The following EMP2 variants were observed in gnomAD, a reference collection of about 807,000 sequenced individuals.
The protein encoded by EMP2 is epithelial membrane protein 2.
Under a neutral mutation model 13.7 loss-of-function variants are expected in EMP2, and 19 were observed. The ratio of observed to expected loss-of-function variants is 1.38; its 90% CI spans 0.97 to 2.03. The LOEUF (loss-of-function observed/expected upper bound fraction) is 2.03, where lower values mean the gene tolerates loss of function less well. Among genes scored for constraint, EMP2 ranks in the 30% most tolerant of loss-of-function variants. The pLI is 0.00. For missense variants in EMP2, 253 were observed against 220.7 expected, an observed-to-expected ratio of 1.15 and a Z score of -0.93; for synonymous variants, 97 against 84.7, an observed-to-expected ratio of 1.15 and a Z score of -0.80.
chr16:10,538,064 C>G lies in EMP2; in HGVS notation c.180G>C (p.Thr60=). ...VINDSFQEYS[T]LQAVQATMIL... is the part of the protein sequence containing the mutation. Reference sequence around the variant, plus strand: ...TCATGGTGGCCTGGACCGCCTGCAGCGTGGAGTACTCTGCGGGAAAAGGGC... The same window carrying G: ...TCATGGTGGCCTGGACCGCCTGCAGGGTGGAGTACTCTGCGGGAAAAGGGC... The change falls in exon 4 of 5, where the codon ACG becomes ACC. Residue 60 remains threonine (T), a synonymous_variant. Coordinates refer to ENST00000359543, the MANE Select transcript of EMP2 (RefSeq NM_001424.6). 6.2e-7 allele frequency: 1 copy of G among 1,613,714 alleles called. No homozygotes were observed. The highest frequency in any genetic ancestry group is 1.3e-5 in the African/African-American group (1 of 75,012).
intron 1 of EMP2, among the ~76,000 whole-genome samples, chr16:10,570,617 C>T (rs1049986415): frequency 6.6e-6 from 1 of 152,102 alleles, no homozygotes; most frequent in African/African-American, 2.4e-5. Context: ...AGGCTGGTCT[C>T]GAACTCCTAA....
intron 1 of EMP2, among the ~76,000 whole-genome samples, chr16:10,557,626 G>A (rs1358008409): frequency 6.6e-6 from 1 of 152,156 alleles, no homozygotes; most frequent in African/African-American, 2.4e-5. Flanking sequence ...CAGAAACTCA[G>A]TGAGGTGGAT....
chr16:10,567,534 G>A (rs1259757720), intron 1 of EMP2, among the ~76,000 whole-genome samples: 2 of 152,208 alleles, frequency 1.3e-5, no homozygotes, highest in African/African-American at 4.8e-5. Flanking sequence ...ACACCAAGGT[G>A]GGTGAGCCAG....
chr16:10,534,088 C>A (rs1434979133), intron 4 of EMP2, among the ~76,000 whole-genome samples: 1 of 151,636 alleles, frequency 6.6e-6, no homozygotes. Context: ...GCACTCCAGC[C>A]CGCACAACAG....
intron 1 of EMP2, among the ~76,000 whole-genome samples, chr16:10,566,184 C>G (rs2050905819): frequency 6.6e-6 from 1 of 152,248 alleles, no homozygotes; most frequent in Non-Finnish European, 1.5e-5. Flanking sequence ...TGTCTACCAC[C>G]TTCTCGAGTA....
Position 10,538,090 on chromosome 16 carries a change from AG to A in EMP2, c.170-17del. ...GTGGAGTACTCTGCGGGAAAAGGGC[AG>A]GGGCGCAGGACTGAGGACCTTGGCC... On this transcript the variant is annotated splice_polypyrimidine_tract_variant and intron_variant, in intron 3 of 4. Coordinates refer to ENST00000359543, the MANE Select transcript of EMP2 (RefSeq NM_001424.6). 5.0e-6 allele frequency: 8 copies of A among 1,612,370 alleles called. No homozygotes were observed. Among genetic ancestry groups the A allele is most frequent in the Non-Finnish European group, 6.8e-6 (8 of 1,179,560 alleles).
At chr16:10,541,410 T>C (rs2050697939) in intron 3 of EMP2, among the ~76,000 whole-genome samples, 1 of 152,220 alleles carries the variant, frequency 6.6e-6, no homozygotes, top group Admixed American at 6.5e-5. Context: ...TTTAGGGGTG[T>C]GTGTGTGTGT....
intron 1 of EMP2, among the ~76,000 whole-genome samples, chr16:10,577,417 C>G (rs1009611164): frequency 3.9e-5 from 6 of 152,134 alleles, no homozygotes; most frequent in Non-Finnish European, 4.4e-5. Context: ...TAGACTCCCC[C>G]CTGGCCTGTC....
intron 2 of EMP2, 190 bp downstream of exon 2, chr16:10,547,349 TG>T (rs1302341338): frequency 3.4e-6 from 2 of 587,374 alleles, no homozygotes; most frequent in Admixed American, 6.4e-5. Flanking sequence ...GATGTGGCTT[TG>T]CTCCTCCTTT....
chr16:10,572,052 C>T (rs2050952118), intron 1 of EMP2, among the ~76,000 whole-genome samples: 1 of 152,220 alleles, frequency 6.6e-6, no homozygotes, highest in Non-Finnish European at 1.5e-5. Flanking sequence ...AACATCATAT[C>T]ACCTGATGAT....
chr16:10,564,609 A>C (rs2142203100), intron 1 of EMP2, among the ~76,000 whole-genome samples: 1 of 151,822 alleles, frequency 6.6e-6, no homozygotes, highest in Middle Eastern at 3.4e-3. Context: ...AATCATCACC[A>C]GCATCGTAGT....
In EMP2 at chr16:10,537,064, T is replaced by C. The variant is rs1433659042; in HGVS notation, c.316+864A>G. On this transcript the variant is annotated intron_variant, in intron 4 of 4. Transcript: ENST00000359543. ...GGCTGGAAGGAGGTGGTAGTTAGAG[T>C]GGTTAGGGCCAAGCAGCCTAAGTTG... is the stretch of plus-strand genomic sequence containing the variant. 4.0e-5 allele frequency among the ~76,000 whole-genome samples: 6 copies of C among 151,772 alleles called. No homozygotes were observed. In the East Asian group the frequency reaches 1.2e-3, roughly 29 times the overall value.
rs181211286 is a variant in EMP2, at chr16:10,540,687, T to C, written c.170-2613A>G. 1.1e-3 allele frequency among the ~76,000 whole-genome samples: 175 copies of C among 152,232 alleles called. 2 individuals carry two copies. The highest frequency in any genetic ancestry group is 4.1e-3 in the African/African-American group (169 of 41,536). On this transcript the variant is annotated intron_variant, in intron 3 of 4. Coordinates refer to ENST00000359543, the MANE Select transcript of EMP2 (RefSeq NM_001424.6). ...GCTTAGAGGCTTCAGGAGGGAAGTG[T>C]GTCTGCCCAGACTTTGATAACATCA...
rs17762550 is a variant in EMP2, at chr16:10,564,643, T to C, written c.-61+15906A>G. Among the ~76,000 whole-genome samples the C allele has an allele frequency of 1.8e-3, 275 of 152,134 alleles. 2 individuals carry two copies. The highest frequency in any genetic ancestry group is 0.016 in the East Asian group (85 of 5,170). The stretch of plus-strand genomic sequence containing the variant: ...GTCAAGGAATCTGTCATAGAATAGA[T>C]ACCCCCAGGCCTTTTTCTTCCCCAG... On this transcript the variant is annotated intron_variant, in intron 1 of 4. Coordinates refer to ENST00000359543, the MANE Select transcript of EMP2 (RefSeq NM_001424.6).
chr16:10,549,857 CTTTTCTTTTCTTTTT>C (rs2050771166), intron 1 of EMP2, among the ~76,000 whole-genome samples: 1 of 137,080 alleles, frequency 7.3e-6, no homozygotes, highest in Non-Finnish European at 1.6e-5. Context: ...TCTTTCTTTT[CTTTTCTTTTCTTTTT>C]TTTTCTTTTT....
chr16:10,543,811 G>A (rs2050719527), intron 2 of EMP2, 151 bp from the exon 3 acceptor site: 2 of 705,148 alleles, frequency 2.8e-6, no homozygotes, highest in Non-Finnish European at 5.0e-6. Flanking sequence ...AATGCAGACT[G>A]ACTCAGGAGG....
chr16:10,529,367 T>C lies in EMP2; in HGVS notation c.*3538A>G, dbSNP rs1356180222. The C allele has an allele frequency of 6.6e-6, 1 of 152,194 alleles. No individual in the cohort carries two copies. Among genetic ancestry groups the C allele is most frequent in the Non-Finnish European group, 1.5e-5 (1 of 68,034 alleles). The allele number at this position is 152,194 out of a possible 1,614,324, so 9.4% of individuals were successfully genotyped here. A position where few individuals can be genotyped will look rare whatever the true frequency, so the allele number is the denominator to read the frequency against. On this transcript the variant is annotated 3_prime_UTR_variant, in exon 5 of 5. Transcript: ENST00000359543. The stretch of plus-strand genomic sequence containing the variant: ...GGATGTTTTCTCCCTGATTTTGTCA[T>C]TTCTTTCCAACTTCCCAAATGCATG...
At position 10,530,926 on chromosome 16, in the gene EMP2, A is replaced by G. The variant is rs922423638; in HGVS notation, c.*1979T>C. ...TAAATGCCTCCAGGAGCATTTAATA[A>G]TAGGCACGCGTAAAGCAGCCTCCCT... On this transcript the variant is annotated 3_prime_UTR_variant, in exon 5 of 5. Transcript: ENST00000359543. 2 of 152,194 alleles carry G rather than the reference A, an allele frequency of 1.3e-5. No individual in the cohort carries two copies. The highest frequency in any genetic ancestry group is 4.8e-5 in the African/African-American group (2 of 41,438). The allele number at this position is 152,194 out of a possible 1,614,324, so 9.4% of individuals were successfully genotyped here. A position where few individuals can be genotyped will look rare whatever the true frequency, so the allele number is the denominator to read the frequency against.
rs190895128 is a variant in EMP2 at position 10,566,480 on chromosome 16, C to T, written c.-61+14069G>A. On this transcript the variant is annotated intron_variant, in intron 1 of 4. Coordinates refer to ENST00000359543, the MANE Select transcript of EMP2 (RefSeq NM_001424.6). ...ACCTTAGCCTCAGCTAAGACTCCCC[C>T]CTTGATGAAATCAGAAGAACTGAAA... 2.0e-5 allele frequency among the ~76,000 whole-genome samples: 3 copies of T among 152,324 alleles called. No individual in the cohort carries two copies. The East Asian group carries it at 5.8e-4, about 29-fold the overall frequency.
Sources: allele counts gnomAD v4.1 joint callset (sites outside exome capture counted in the v4.1 genomes callset), GRCh38; gene constraint gnomAD v4.1.1; transcripts MANE v1.5; gene names NCBI Gene and HGNC (gene_info 2026-07-23, HGNC 2026-07-21).